The following NCOR1 variants were observed in gnomAD, a reference collection of about 807,000 sequenced individuals.
NCOR1 encodes protein phosphatase 1, regulatory subunit 109.
NCOR1 carries 63 observed loss-of-function variants against 288.1 expected under a neutral mutation model. The observed-to-expected ratio is 0.22, with a 90% CI of 0.18 to 0.27. The LOEUF (loss-of-function observed/expected upper bound fraction) is 0.27, where lower values mean the gene tolerates loss of function less well. NCOR1 is among the 10% of genes least tolerant of loss of function. The pLI is 1.00. For missense variants in NCOR1, 2,397 were observed against 3,019.2 expected (o/e 0.79, Z 4.83); for synonymous variants, 1,007 against 1,065.9 (o/e 0.94, Z 1.08).
rs1211713006 is a variant in NCOR1, at chr17:16,070,521, G to A, written c.4157C>T (p.Thr1386Ile). 1 of 1,612,564 alleles carries A rather than the reference G, an allele frequency of 6.2e-7. No individual in the cohort carries two copies. Among genetic ancestry groups the A allele is most frequent in the Non-Finnish European group, 8.5e-7 (1 of 1,179,090 alleles). The stretch of plus-strand genomic sequence containing the variant: ...TGAGTTGTTGTCAAACTTTATTGGT[G>A]TGCCCTAAAGGGAAAGAAACAAACA... Reference protein sequence around the residue: ...PIIEGSISQGTPIKFDNNSGQ... With the variant: ...PIIEGSISQGIPIKFDNNSGQ... Residue 1386 changes from threonine (T) to isoleucine (I), a missense_variant, in exon 31 of 46, where the codon ACA (threonine) becomes ATA (isoleucine). Thr to Ile is a moderately conservative substitution (Grantham distance 89). Around this residue, in one of 11 missense-constraint regions of NCOR1, gnomAD observed 1,872 missense variants for 2,187.8 expected, o/e 0.86. Transcript: ENST00000268712.
rs1240316387 is a variant in NCOR1 at position 16,029,285 on chromosome 17, T to TC, written c.*3010dup. On this transcript the variant is annotated 3_prime_UTR_variant, in exon 46 of 46. Transcript: ENST00000268712. Reference sequence around the variant, plus strand: ...TTCATGTGGGTGTTTTCATTACAGTTCATTTACACTGTTGTAAAATAAGGT... The same window carrying TC: ...TTCATGTGGGTGTTTTCATTACAGTTCCATTTACACTGTTGTAAAATAAGGT... 7 of 451,922 alleles carry TC rather than the reference T, an allele frequency of 1.5e-5. No homozygotes were observed. The highest frequency in any genetic ancestry group is 1.4e-4 in the African/African-American group (7 of 49,948). The allele number at this position is 451,922 out of a possible 1,614,324, so 28.0% of individuals were successfully genotyped here.
chr17:16,066,482 A>C (rs906395910), intron 32 of NCOR1, among the ~76,000 whole-genome samples: 7 of 152,218 alleles, frequency 4.6e-5, no homozygotes, highest in African/African-American at 1.7e-4. Flanking sequence ...TCAGGCTCAA[A>C]AACAAGCAAA....
intron 2 of NCOR1, among the ~76,000 whole-genome samples, chr17:16,187,062 A>G (rs1011086471): frequency 6.6e-6 from 1 of 152,196 alleles, no homozygotes; most frequent in Admixed American, 6.6e-5. Context: ...ATGGAAGTCT[A>G]ATCAAATCCA....
chr17:16,205,389 G>A (rs1307631872), intron 1 of NCOR1, among the ~76,000 whole-genome samples: 8 of 150,234 alleles, frequency 5.3e-5, no homozygotes, highest in African/African-American at 7.3e-5. Context: ...TCGGGAGGCC[G>A]AGGTGGGTGG....
intron 34 of NCOR1, 25 bp downstream of exon 34, chr17:16,064,845 G>C: frequency 6.5e-7 from 1 of 1,535,794 alleles, no homozygotes; most frequent in Non-Finnish European, 8.8e-7. Flanking sequence ...TTCTATTAGA[G>C]AGGTGTGTAA....
chr17:16,087,009 A>C (rs1447941839), intron 22 of NCOR1, among the ~76,000 whole-genome samples: 4 of 152,198 alleles, frequency 2.6e-5, no homozygotes, highest in Admixed American at 2.6e-4. Context: ...GGCCCAGTGA[A>C]CTCAACTAAA....
At chr17:16,034,180 C>T (rs908829744) in intron 45 of NCOR1, among the ~76,000 whole-genome samples, 3 of 152,254 alleles carry the variant, frequency 2.0e-5, no homozygotes, top group South Asian at 2.1e-4. Flanking sequence ...AGTCAATGTT[C>T]GCTACCAGTG....
intron 13 of NCOR1, 116 bp downstream of exon 13, chr17:16,138,042 T>C: frequency 4.1e-6 from 3 of 731,262 alleles, no homozygotes; most frequent in Non-Finnish European, 2.3e-6. Flanking sequence ...ATGAGACTCT[T>C]CGCAGTCTTT....
At chr17:16,052,472 A>G (rs528274164) in intron 40 of NCOR1, among the ~76,000 whole-genome samples, 2 of 152,182 alleles carry the variant, frequency 1.3e-5, no homozygotes, top group Non-Finnish European at 2.9e-5. Flanking sequence ...TATTATGAAC[A>G]CCTTTATGCA....
chr17:16,111,866 A>ATTTATT (rs138314159), intron 18 of NCOR1, among the ~76,000 whole-genome samples: 5 of 151,654 alleles, frequency 3.3e-5, no homozygotes, highest in Non-Finnish European at 7.4e-5. Context: ...ACATTTATTT[A>ATTTATT]TTTATTTTTA....
chr17:16,096,223 T>G (rs1415401784), intron 21 of NCOR1, among the ~76,000 whole-genome samples: 1 of 152,168 alleles, frequency 6.6e-6, no homozygotes, highest in Non-Finnish European at 1.5e-5. Flanking sequence ...TTCACTTGTT[T>G]GTCTGCTGAC....
chr17:16,122,969 G>C (rs2073294413), intron 15 of NCOR1, among the ~76,000 whole-genome samples: 1 of 152,070 alleles, frequency 6.6e-6, no homozygotes, highest in Admixed American at 6.5e-5. Flanking sequence ...CTCTCCCCTA[G>C]AGCCTTAGAG....
rs2152741172 is a variant in NCOR1 at position 16,072,183 on chromosome 17, A to G, written c.3857T>C (p.Leu1286Pro). 2 of 1,612,794 alleles carry G rather than the reference A, an allele frequency of 1.2e-6. No homozygotes were observed. Among genetic ancestry groups the G allele is most frequent in the Non-Finnish European group, 1.7e-6 (2 of 1,179,328 alleles). Reference protein sequence around the residue: ...ALPRGSPHSDLKERTVLSGSI... With the variant: ...ALPRGSPHSDPKERTVLSGSI... ...GCCAGACAATACAGTCCTTTCTTTG[A>G]GGTCAGAATGAGGACTCCCCCTGGG... is the stretch of plus-strand genomic sequence containing the variant. The change falls in exon 29 of 46, where the codon CTC becomes CCC. Residue 1286 changes from leucine to proline, a missense_variant. Transcript: ENST00000268712.
At chr17:16,042,466 A>G (rs2057901097) in intron 42 of NCOR1, among the ~76,000 whole-genome samples, 1 of 152,252 alleles carries the variant, frequency 6.6e-6, no homozygotes, top group African/African-American at 2.4e-5. Context: ...TGGAGCTTAC[A>G]GTGCAGTGTG....
intron 3 of NCOR1, among the ~76,000 whole-genome samples, chr17:16,184,722 C>T (rs1427764242): frequency 6.6e-6 from 1 of 152,058 alleles, no homozygotes; most frequent in Non-Finnish European, 1.5e-5. Flanking sequence ...GATATATACC[C>T]AAGGGAAATG....
chr17:16,135,811 G>C (rs992042997), intron 14 of NCOR1, among the ~76,000 whole-genome samples: 1 of 152,304 alleles, frequency 6.6e-6, no homozygotes, highest in Admixed American at 6.5e-5. Context: ...TGAATACTGA[G>C]AGAACTGGGT....
Position 16,086,332 on chromosome 17 carries a change from T to G in NCOR1, c.3127A>C (p.Thr1043Pro). 1 of 1,614,160 alleles carries G rather than the reference T, an allele frequency of 6.2e-7. No individual in the cohort carries two copies. The change falls in exon 23 of 46, where the codon ACA (threonine) becomes CCA (proline). Residue 1043 changes from threonine (T) to proline (P), a missense_variant. Transcript: ENST00000268712. ...AAAGATGGTTTTTCTGAAGCCACTG[T>G]GGTTTTGGATGACGGGATGAGAGGG... is the stretch of plus-strand genomic sequence containing the variant. ...PPPLIPSSKT[T>P]VASEKPSFIM...
intron 36 of NCOR1, 80 bp from the exon 37 acceptor site, chr17:16,061,974 T>G: frequency 6.4e-7 from 1 of 1,565,292 alleles, no homozygotes; most frequent in South Asian, 1.2e-5. Flanking sequence ...AAGGACAAAC[T>G]GCAACAACAA....
intron 27 of NCOR1, 112 bp from the exon 28 acceptor site, chr17:16,073,681 CTT>C (rs1396998710): frequency 1.1e-6 from 1 of 879,140 alleles, no homozygotes; most frequent in Non-Finnish European, 1.5e-6. Context: ...TAAAACTTGT[CTT>C]AACCTACAAT....
Sources: gnomAD v4.1 joint callset for allele counts (sites outside exome capture counted in the v4.1 genomes callset) on GRCh38, gnomAD v4.1.1 for gene constraint, gnomAD v4.1.1 regional missense constraint, MANE v1.5 for transcripts, NCBI Gene and HGNC (gene_info 2026-07-23, HGNC 2026-07-21) for gene names.